KCNH5: variants seen among roughly 807,000 people sequenced by gnomAD.
KCNH5 encodes potassium voltage-gated channel subfamily H member 5, also known as voltage-gated delayed rectifier potassium channel KCNH5.
Under a neutral mutation model 96.1 loss-of-function variants are expected in KCNH5, and 46 were observed. That is an observed-to-expected ratio of 0.48 (90% CI 0.38 to 0.61). KCNH5 has a LOEUF of 0.61. KCNH5 is among the 20% of genes least tolerant of loss of function. The probability of loss-of-function intolerance (pLI) is 0.00; values close to 1 mark genes in which losing one functional copy is unlikely to be tolerated. For missense variants in KCNH5, 907 were observed against 1,225.8 expected, an observed-to-expected ratio of 0.74 and a Z score of 3.88; for synonymous variants, 439 against 449.8, an observed-to-expected ratio of 0.98 and a Z score of 0.30.
chr14:62,710,487 G>A (rs1180387680), intron 10 of KCNH5, among the ~76,000 whole-genome samples: 4 of 152,186 alleles, frequency 2.6e-5, no homozygotes, highest in Non-Finnish European at 5.9e-5. Context: ...TTTAGAACCA[G>A]ACAGACCCAG....
intron 4 of KCNH5, among the ~76,000 whole-genome samples, chr14:62,999,133 C>T (rs1295896282): frequency 6.6e-6 from 1 of 152,164 alleles, no homozygotes; most frequent in African/African-American, 2.4e-5. Flanking sequence ...AATGGTTGAA[C>T]TAGTTTACAG....
chr14:62,837,307 T>C (rs1373837090), intron 8 of KCNH5, among the ~76,000 whole-genome samples: 2 of 152,226 alleles, frequency 1.3e-5, no homozygotes, highest in African/African-American at 4.8e-5. Flanking sequence ...TTCCAGAGAC[T>C]GGAACAATGT....
intron 8 of KCNH5, among the ~76,000 whole-genome samples, chr14:62,819,691 G>A (rs1887074858): frequency 6.6e-6 from 1 of 152,136 alleles, no homozygotes; most frequent in South Asian, 2.1e-4. Context: ...AAGGCATGGA[G>A]GAGGCTTCAG....
chr14:63,030,217 T>C (rs1269529573), intron 1 of KCNH5, among the ~76,000 whole-genome samples: 2 of 152,098 alleles, frequency 1.3e-5, no homozygotes, highest in African/African-American at 4.8e-5. Context: ...TAAAGATGTT[T>C]ACAAACATTC....
At chr14:63,031,501 C>T (rs1276963788) in intron 1 of KCNH5, among the ~76,000 whole-genome samples, 1 of 152,048 alleles carries the variant, frequency 6.6e-6, no homozygotes, top group Non-Finnish European at 1.5e-5. Flanking sequence ...TCGAGCTGCT[C>T]CAACATGATC....
chr14:62,886,396 G>T (rs147873145), intron 7 of KCNH5, among the ~76,000 whole-genome samples: 1 of 152,106 alleles, frequency 6.6e-6, no homozygotes, highest in Admixed American at 6.5e-5. Flanking sequence ...ATCCTGCAGG[G>T]TTCATGTTTT....
At chr14:63,003,516 T>TATATATATTTTATATATATTATA (rs1566536795) in intron 3 of KCNH5, among the ~76,000 whole-genome samples, 1 of 91,424 alleles carries the variant, frequency 1.1e-5, no homozygotes, top group Non-Finnish European at 2.4e-5. Flanking sequence ...TATATATATT[T>TATATATATTTTATATATATTATA]TATATATTTT....
At chr14:62,929,485 C>G (rs1304720916) in intron 7 of KCNH5, among the ~76,000 whole-genome samples, 1 of 152,062 alleles carries the variant, frequency 6.6e-6, no homozygotes, top group South Asian at 2.1e-4. Flanking sequence ...ATCCACAGAA[C>G]AATGGTCACC....
At chr14:62,961,652 A>T (rs1890207424) in intron 6 of KCNH5, among the ~76,000 whole-genome samples, 1 of 152,192 alleles carries the variant, frequency 6.6e-6, no homozygotes, top group African/African-American at 2.4e-5. Flanking sequence ...GAGAAACAGG[A>T]CTAACAGGAC....
At chr14:63,028,732 G>A (rs1186506566) in intron 1 of KCNH5, among the ~76,000 whole-genome samples, 1 of 152,016 alleles carries the variant, frequency 6.6e-6, no homozygotes, top group Non-Finnish European at 1.5e-5. Flanking sequence ...TTAGGGAGAA[G>A]AACACAGAAG....
chr14:62,865,554 G>A (rs1207449388), intron 7 of KCNH5, among the ~76,000 whole-genome samples: 1 of 152,130 alleles, frequency 6.6e-6, no homozygotes, highest in Non-Finnish European at 1.5e-5. Flanking sequence ...CTAAACTTAA[G>A]TCAGAGGACT....
intron 3 of KCNH5, among the ~76,000 whole-genome samples, chr14:63,002,870 A>G (rs1008519299): frequency 2.0e-5 from 3 of 152,218 alleles, no homozygotes; most frequent in Middle Eastern, 3.4e-3. Context: ...TAATCACATC[A>G]TCTCCCCGAG....
At chr14:63,005,834 T>C (rs549177057) in intron 3 of KCNH5, among the ~76,000 whole-genome samples, 169 of 152,280 alleles carry the variant, frequency 1.1e-3, no homozygotes, top group African/African-American at 3.8e-3. Flanking sequence ...CAACACAAAT[T>C]TACCAAACGT....
At chr14:62,918,278 C>T (rs576834418) in intron 7 of KCNH5, among the ~76,000 whole-genome samples, 3 of 152,160 alleles carry the variant, frequency 2.0e-5, no homozygotes, top group Admixed American at 6.5e-5. Context: ...AAAAAGAAGC[C>T]ATTTCTACAA....
chr14:62,887,873 C>T (rs1888630279), intron 7 of KCNH5, among the ~76,000 whole-genome samples: 1 of 152,116 alleles, frequency 6.6e-6, no homozygotes, highest in Admixed American at 6.6e-5. Flanking sequence ...GGGGCCTCAT[C>T]ACTTTTTTTC....
rs1884474183 is a variant in KCNH5, at chr14:62,707,963, C to G, written c.2512G>C (p.Gly838Arg). The G allele has an allele frequency of 1.9e-6, 3 of 1,614,178 alleles. No homozygotes were observed. The highest frequency in any genetic ancestry group is 2.2e-5 in the East Asian group (1 of 44,876). The stretch of plus-strand genomic sequence containing the variant: ...CTCTTGGGGTCCTCAGACAATAGCC[C>G]CATTGACTCAGCTTTAGTGACATTA... ...WNNVTKAESM[G>R]LLSEDPKSSD... Residue 838 changes from glycine to arginine, a missense_variant, in exon 11 of 11, where the codon GGG becomes CGG. Transcript: ENST00000322893.
chr14:62,947,879 A>G (rs1889921293), intron 7 of KCNH5, among the ~76,000 whole-genome samples: 1 of 152,028 alleles, frequency 6.6e-6, no homozygotes, highest in African/African-American at 2.4e-5. Flanking sequence ...CACATTGTGC[A>G]GGTTAGTTAC....
At chr14:62,869,277 C>A (rs1398466379) in intron 7 of KCNH5, among the ~76,000 whole-genome samples, 1 of 152,152 alleles carries the variant, frequency 6.6e-6, no homozygotes, top group Non-Finnish European at 1.5e-5. Context: ...TTGCATTTCT[C>A]TAATGACCAG....
intron 8 of KCNH5, among the ~76,000 whole-genome samples, chr14:62,832,536 T>G (rs1887376022): frequency 6.6e-6 from 1 of 152,208 alleles, no homozygotes. Context: ...TGTTTCCACA[T>G]CTTGGCTACG....
Sources: allele counts gnomAD v4.1 joint callset (sites outside exome capture counted in the v4.1 genomes callset), GRCh38; gene constraint gnomAD v4.1.1; transcripts MANE v1.5; gene names NCBI Gene and HGNC (gene_info 2026-07-23, HGNC 2026-07-21).